The following ALG14 variants were observed in gnomAD, a reference collection of about 807,000 sequenced individuals.
ALG14 encodes the protein ALG14 UDP-N-acetylglucosaminyltransferase subunit.
A neutral mutation model predicts 22.8 loss-of-function variants in ALG14; 17 were observed. The ratio of observed to expected loss-of-function variants is 0.75; its 90% CI spans 0.51 to 1.12. The LOEUF is 1.12. ALG14 is among the 50% of genes most tolerant of loss of function. ALG14 has a pLI of 0.00. For missense variants in ALG14, 288 were observed against 271.8 expected, an observed-to-expected ratio of 1.06 and a Z score of -0.42; for synonymous variants, 89 against 103.7, an observed-to-expected ratio of 0.86 and a Z score of 0.86.
intron 3 of ALG14, among the ~76,000 whole-genome samples, chr1:95,005,537 G>C (rs1673193626): frequency 6.6e-6 from 1 of 152,124 alleles, no homozygotes; most frequent in African/African-American, 2.4e-5. Context: ...AGTGGGGACA[G>C]GGATCAGAAA....
At chr1:95,042,325 CACAT>C (rs1015276979) in intron 2 of ALG14, among the ~76,000 whole-genome samples, 5 of 151,714 alleles carry the variant, frequency 3.3e-5, no homozygotes, top group African/African-American at 9.7e-5. Flanking sequence ...CACACACACA[CACAT>C]ACACACAGTT....
intron 3 of ALG14, among the ~76,000 whole-genome samples, chr1:94,997,698 G>A (rs530547474): frequency 1.3e-5 from 2 of 152,220 alleles, no homozygotes; most frequent in South Asian, 4.1e-4. Context: ...GGGTTTTAGC[G>A]AGGATTAAGT....
chr1:95,026,058 G>A (rs1331574688), intron 3 of ALG14, among the ~76,000 whole-genome samples: 1 of 151,940 alleles, frequency 6.6e-6, no homozygotes, highest in Non-Finnish European at 1.5e-5. Context: ...TCAGCCTTCC[G>A]AGTAGCTGGG....
intron 3 of ALG14, among the ~76,000 whole-genome samples, chr1:94,985,534 A>G (rs966904176): frequency 1.3e-5 from 2 of 152,260 alleles, no homozygotes; most frequent in South Asian, 4.1e-4. Context: ...GAACAAAATA[A>G]AAACTACAGC....
Position 95,037,807 on chromosome 1 carries a change from C to T in ALG14, c.289-10547G>A, listed in dbSNP as rs529577762. On this transcript the variant is annotated intron_variant, in intron 2 of 3. Transcript: ENST00000370205. The stretch of plus-strand genomic sequence containing the variant: ...AAATCATGTATGAAACAATTGTTTA[C>T]GACATTGAATTTCAGAGCTGTACTC... 3.4e-4 allele frequency among the ~76,000 whole-genome samples: 52 copies of T among 152,142 alleles called. No homozygotes were observed. In the South Asian group the frequency reaches 4.6e-3, roughly 13 times the overall value.
At chr1:95,029,307 A>G (rs1673924322) in intron 2 of ALG14, among the ~76,000 whole-genome samples, 1 of 152,240 alleles carries the variant, frequency 6.6e-6, no homozygotes, top group African/African-American at 2.4e-5. Flanking sequence ...CTCATTATGC[A>G]ACAGCTAGCC....
chr1:94,977,666 T>A lies in ALG14; in HGVS notation c.*5410A>T, dbSNP rs2100701963. 6.8e-6 allele frequency: 1 copy of A among 147,478 alleles called. No individual in the cohort carries two copies. Among genetic ancestry groups the A allele is most frequent in the South Asian group, 2.2e-4 (1 of 4,628 alleles). The allele number at this position is 147,478 out of a possible 1,614,324, so 9.1% of individuals were successfully genotyped here. A position where few individuals can be genotyped will look rare whatever the true frequency, so the allele number is the denominator to read the frequency against. Reference sequence around the variant, plus strand: ...CATTGGGATATATTTTTTTTTTTTCTGAGGCAGGGTCTCACTCTGTCACCC... The same window carrying A: ...CATTGGGATATATTTTTTTTTTTTCAGAGGCAGGGTCTCACTCTGTCACCC... On this transcript the variant is annotated 3_prime_UTR_variant, in exon 4 of 4. Transcript: ENST00000370205.
intron 3 of ALG14, among the ~76,000 whole-genome samples, chr1:94,985,862 A>G (rs1672627423): frequency 6.6e-6 from 1 of 152,124 alleles, no homozygotes; most frequent in Non-Finnish European, 1.5e-5. Flanking sequence ...CCCTGGTACA[A>G]TAAAACCACA....
At chr1:95,056,160 A>C (rs1674926831) in intron 2 of ALG14, among the ~76,000 whole-genome samples, 1 of 152,158 alleles carries the variant, frequency 6.6e-6, no homozygotes, top group Non-Finnish European at 1.5e-5. Flanking sequence ...AGCAGAAAAA[A>C]AAAGAATAGA....
chr1:95,059,857 A>G (rs12124097), intron 2 of ALG14, among the ~76,000 whole-genome samples: 6,776 of 152,044 alleles, frequency 0.045, 239 homozygotes, highest in East Asian at 0.093. Flanking sequence ...AGTGGCTACT[A>G]TACTGGACAG....
At chr1:94,984,526 A>G (rs147021804) in intron 3 of ALG14, among the ~76,000 whole-genome samples, 6 of 152,326 alleles carry the variant, frequency 3.9e-5, no homozygotes, top group African/African-American at 1.2e-4. Context: ...AGTCTGTTTT[A>G]GATGAGACCA....
At chr1:95,035,979 T>C (rs1674179016) in intron 2 of ALG14, 1 of 152,252 alleles carries the variant, frequency 6.6e-6, no homozygotes, top group South Asian at 2.1e-4. Context: ...CAATGTATAT[T>C]TTTAAATGTA....
At chr1:95,022,992 T>C (rs561635942) in intron 3 of ALG14, among the ~76,000 whole-genome samples, 10 of 152,262 alleles carry the variant, frequency 6.6e-5, no homozygotes, top group Admixed American at 2.0e-4. Context: ...TGTTAATTAG[T>C]AGGCCAATAA....
At chr1:95,021,084 G>A (rs893898468) in intron 3 of ALG14, among the ~76,000 whole-genome samples, 1 of 152,180 alleles carries the variant, frequency 6.6e-6, no homozygotes, top group Non-Finnish European at 1.5e-5. Context: ...CGAATTCAGC[G>A]ATTAATTCAG....
chr1:95,000,807 A>G (rs571747106), intron 3 of ALG14, among the ~76,000 whole-genome samples: 2 of 150,774 alleles, frequency 1.3e-5, no homozygotes, highest in Non-Finnish European at 3.0e-5. Flanking sequence ...AAAAGGAATG[A>G]AGAAAGAGAA....
intron 3 of ALG14, among the ~76,000 whole-genome samples, chr1:95,023,831 GCAC>G (rs1207693710): frequency 2.6e-5 from 4 of 152,192 alleles, no homozygotes; most frequent in Admixed American, 2.0e-4. Flanking sequence ...CCTGAGAAGA[GCAC>G]CAGTGTAGGG....
At chr1:95,056,642 CA>C (rs201059805) in intron 2 of ALG14, among the ~76,000 whole-genome samples, 1 of 150,780 alleles carries the variant, frequency 6.6e-6, no homozygotes, top group East Asian at 2.0e-4. Context: ...GACACTGTCT[CA>C]AAAAAAGAAA....
At chr1:95,008,453 CAAAT>C (rs1673275767) in intron 3 of ALG14, among the ~76,000 whole-genome samples, 1 of 151,978 alleles carries the variant, frequency 6.6e-6, no homozygotes, top group South Asian at 2.1e-4. Context: ...TTAAATTATT[CAAAT>C]AAATTTAAGA....
In ALG14 at chr1:94,974,936, C is replaced by T. The variant is rs1286771446; in HGVS notation, c.*8140G>A. 1 of 152,190 alleles carries T rather than the reference C, an allele frequency of 6.6e-6. No homozygotes were observed. The highest frequency in any genetic ancestry group is 1.5e-5 in the Non-Finnish European group (1 of 68,056). 9.4% of individuals were successfully genotyped at this position (152,190 alleles called of 1,614,324 possible). ...GGGCTGGAATAATCTGGAGACTTCTCCTCTTGCATGTCTAGTGCCTCCAGT... is the reference window on the plus strand; with the variant it reads ...GGGCTGGAATAATCTGGAGACTTCTTCTCTTGCATGTCTAGTGCCTCCAGT... On this transcript the variant is annotated 3_prime_UTR_variant, in exon 4 of 4. Transcript: ENST00000370205.
Sources: allele counts gnomAD v4.1 joint callset (sites outside exome capture counted in the v4.1 genomes callset), GRCh38; gene constraint gnomAD v4.1.1; transcripts MANE v1.5; gene names NCBI Gene and HGNC (gene_info 2026-07-23, HGNC 2026-07-21).